AKAP6: variants seen among roughly 807,000 people sequenced by gnomAD.
AKAP6 encodes A-kinase anchoring protein 6, also known as A-kinase anchor protein 6.
Under a neutral mutation model 188.5 loss-of-function variants are expected in AKAP6, and 58 were observed. The observed-to-expected ratio is 0.31, with a 90% CI of 0.25 to 0.38. The LOEUF (loss-of-function observed/expected upper bound fraction) is 0.38, where lower values mean the gene tolerates loss of function less well. Among genes scored for constraint, AKAP6 ranks in the 10% least tolerant of loss-of-function variants. The probability of loss-of-function intolerance (pLI) is 1.00; values close to 1 mark genes in which losing one functional copy is unlikely to be tolerated. For missense variants in AKAP6, 2,710 were observed against 2,740.0 expected (o/e 0.99, Z 0.24); for synonymous variants, 989 against 998.6 (o/e 0.99, Z 0.18).
intron 12 of AKAP6, among the ~76,000 whole-genome samples, chr14:32,820,012 G>C (rs1383714192): frequency 1.3e-5 from 2 of 151,992 alleles, no homozygotes; most frequent in Non-Finnish European, 2.9e-5. Context: ...TCAGCACTTC[G>C]CAAGCACTAG....
chr14:32,662,138 G>C (rs1343769124), intron 7 of AKAP6, among the ~76,000 whole-genome samples: 2 of 151,946 alleles, frequency 1.3e-5, no homozygotes, highest in African/African-American at 2.4e-5. Context: ...TAGTATAATA[G>C]ATTATTTGGA....
chr14:32,446,014 G>GT (rs1223093666), intron 2 of AKAP6, among the ~76,000 whole-genome samples: 1 of 152,110 alleles, frequency 6.6e-6, no homozygotes, highest in South Asian at 2.1e-4. Context: ...GAGGGAGAAA[G>GT]CCTCACCTCA....
chr14:32,487,486 C>T (rs961670388), intron 2 of AKAP6, among the ~76,000 whole-genome samples: 1 of 152,200 alleles, frequency 6.6e-6, no homozygotes, highest in African/African-American at 2.4e-5. Flanking sequence ...TGGGTTAGAA[C>T]CTGCTCCTTT....
intron 1 of AKAP6, among the ~76,000 whole-genome samples, chr14:32,331,742 T>G (rs1886541822): frequency 6.6e-6 from 1 of 152,066 alleles, no homozygotes; most frequent in Non-Finnish European, 1.5e-5. Flanking sequence ...TGGCTGTATT[T>G]ATTGGTGCCT....
At chr14:32,356,955 T>G (rs1046418082) in intron 1 of AKAP6, among the ~76,000 whole-genome samples, 1 of 152,114 alleles carries the variant, frequency 6.6e-6, no homozygotes, top group Non-Finnish European at 1.5e-5. Flanking sequence ...GCACCGGACA[T>G]ATGCCTCTAG....
intron 1 of AKAP6, among the ~76,000 whole-genome samples, chr14:32,425,375 T>C (rs1037124943): frequency 6.6e-5 from 10 of 152,192 alleles, no homozygotes; most frequent in Admixed American, 5.9e-4. Context: ...GGTGGGCCAA[T>C]AGCTAGGAGT....
At chr14:32,467,017 G>A (rs1000707741) in intron 2 of AKAP6, among the ~76,000 whole-genome samples, 1 of 151,274 alleles carries the variant, frequency 6.6e-6, no homozygotes, top group African/African-American at 2.4e-5. Flanking sequence ...CATGGACACA[G>A]ATGAAAACAA....
chr14:32,509,973 G>A (rs1234168603), intron 2 of AKAP6, among the ~76,000 whole-genome samples: 1 of 152,086 alleles, frequency 6.6e-6, no homozygotes. Flanking sequence ...CTGCCTCACC[G>A]TGCAGCTGAC....
chr14:32,777,780 G>A lies in AKAP6; in HGVS notation c.3588+3887G>A, dbSNP rs372286659. On this transcript the variant is annotated intron_variant, in intron 12 of 13. Transcript: ENST00000280979. The stretch of plus-strand genomic sequence containing the variant: ...AAGCTGGGTGCTCTTGCTCACATAT[G>A]TAATTCCAGCACTTTGGTAGGCTGA... Among the ~76,000 whole-genome samples the A allele has an allele frequency of 6.4e-4, 98 of 152,316 alleles. 1 individual carries two copies. The South Asian group carries it at 0.02, about 30-fold the overall frequency.
chr14:32,390,509 C>T (rs1455077959), intron 1 of AKAP6, among the ~76,000 whole-genome samples: 4 of 152,118 alleles, frequency 2.6e-5, no homozygotes, highest in Admixed American at 2.0e-4. Context: ...GGGCTGAAGG[C>T]TGTTGTTTAG....
chr14:32,492,685 G>T (rs1300169703), intron 2 of AKAP6, among the ~76,000 whole-genome samples: 1 of 151,750 alleles, frequency 6.6e-6, no homozygotes, highest in Non-Finnish European at 1.5e-5. Context: ...CCACAGAACT[G>T]GGATTATCTT....
intron 1 of AKAP6, among the ~76,000 whole-genome samples, chr14:32,419,472 A>G (rs1003674445): frequency 1.3e-5 from 2 of 152,216 alleles, no homozygotes; most frequent in Non-Finnish European, 1.5e-5. Context: ...ATGTGTTCTC[A>G]TGTTGCAGTA....
intron 2 of AKAP6, among the ~76,000 whole-genome samples, chr14:32,534,532 T>A (rs1882577227): frequency 6.6e-6 from 1 of 152,138 alleles, no homozygotes; most frequent in African/African-American, 2.4e-5. Context: ...TGAGACTGAG[T>A]TAGTAATGTT....
intron 4 of AKAP6, among the ~76,000 whole-genome samples, chr14:32,550,511 G>A (rs1179409275): frequency 6.6e-6 from 1 of 152,102 alleles, no homozygotes; most frequent in African/African-American, 2.4e-5. Flanking sequence ...AAATGGCCAC[G>A]CTTGGCTACA....
At chr14:32,455,364 G>C (rs1335317128) in intron 2 of AKAP6, among the ~76,000 whole-genome samples, 1 of 152,058 alleles carries the variant, frequency 6.6e-6, no homozygotes, top group African/African-American at 2.4e-5. Context: ...TTTCTCTTTT[G>C]CTATATATAA....
chr14:32,757,056 C>G (rs2032362605), intron 11 of AKAP6, among the ~76,000 whole-genome samples: 1 of 152,114 alleles, frequency 6.6e-6, no homozygotes, highest in Non-Finnish European at 1.5e-5. Flanking sequence ...GTCAGGTACT[C>G]AATTCATTCT....
intron 11 of AKAP6, among the ~76,000 whole-genome samples, chr14:32,754,758 G>T (rs2032268787): frequency 6.6e-6 from 1 of 152,058 alleles, no homozygotes; most frequent in Admixed American, 6.5e-5. Context: ...GGACATCATT[G>T]CCAAATATGG....
chr14:32,363,129 T>A lies in AKAP6; in HGVS notation c.-35+33721T>A, dbSNP rs1022250360. On this transcript the variant is annotated intron_variant, in intron 1 of 13. Transcript: ENST00000280979. The stretch of plus-strand genomic sequence containing the variant: ...ATTAAACAGATGCACAAAAACAAAC[T>A]AACAAATAAAACCCCTACCAATAAC... 2.6e-5 allele frequency among the ~76,000 whole-genome samples: 4 copies of A among 152,092 alleles called. No homozygotes were observed. The South Asian group carries it at 8.3e-4, about 32-fold the overall frequency.
chr14:32,550,412 A>T (rs903074489), intron 4 of AKAP6, among the ~76,000 whole-genome samples: 2 of 152,242 alleles, frequency 1.3e-5, no homozygotes, highest in Non-Finnish European at 2.9e-5. Flanking sequence ...AAAGAAGATC[A>T]AGTTCCTTCC....
Sources: allele counts gnomAD v4.1 joint callset (sites outside exome capture counted in the v4.1 genomes callset), GRCh38; gene constraint gnomAD v4.1.1; transcripts MANE v1.5; gene names NCBI Gene and HGNC (gene_info 2026-07-23, HGNC 2026-07-21).